Variants in AOPEP observed in about 807,000 individuals in gnomAD.
AOPEP encodes aminopeptidase O (putative).
A neutral mutation model predicts 98.1 loss-of-function variants in AOPEP; 77 were observed. The observed-to-expected ratio is 0.78, with a 90% CI of 0.65 to 0.95. The LOEUF is 0.95. Ranked by LOEUF, AOPEP falls within the 40% of genes least tolerant of loss-of-function variation. The pLI is 0.00. For synonymous variants in AOPEP, 346 were observed against 365.3 expected (o/e 0.95, Z 0.60); for missense variants, 1,024 against 1,024.7 (o/e 1.00, Z 0.01).
chr9:95,031,321 G>A (rs1343566450), intron 13 of AOPEP, among the ~76,000 whole-genome samples: 1 of 152,060 alleles, frequency 6.6e-6, no homozygotes, highest in Non-Finnish European at 1.5e-5. Flanking sequence ...TACTCTTTTA[G>A]TTTAAAAAGA....
intron 5 of AOPEP, among the ~76,000 whole-genome samples, chr9:94,848,582 A>G (rs2135094103): frequency 6.6e-6 from 1 of 151,746 alleles, no homozygotes; most frequent in South Asian, 2.1e-4. Flanking sequence ...AGATCACGCC[A>G]CTGCACCCCA....
At chr9:95,150,044 G>C in the AOPEP span, 7 of 1,613,956 alleles carry the variant, frequency 4.3e-6, no homozygotes, top group African/African-American at 9.3e-5. Context: ...GTAATAAGTG[G>C]GACACAAACT....
At chr9:94,902,471 C>T (rs1355386954) in intron 5 of AOPEP, among the ~76,000 whole-genome samples, 4 of 152,084 alleles carry the variant, frequency 2.6e-5, no homozygotes, top group Non-Finnish European at 5.9e-5. Flanking sequence ...TGTATTGTAT[C>T]CAAAAGAAAT....
intron 5 of AOPEP, among the ~76,000 whole-genome samples, chr9:94,889,947 T>G (rs530396710): frequency 7.2e-5 from 11 of 152,300 alleles, no homozygotes; most frequent in African/African-American, 2.6e-4. Context: ...AATATTTTTA[T>G]GTGCTTAAGT....
intron 5 of AOPEP, among the ~76,000 whole-genome samples, chr9:94,852,735 T>C (rs2043707026): frequency 6.6e-6 from 1 of 152,232 alleles, no homozygotes; most frequent in African/African-American, 2.4e-5. Flanking sequence ...ATTTTATTAA[T>C]TAAAAATCGT....
intron 1 of AOPEP, among the ~76,000 whole-genome samples, chr9:94,729,036 GT>G (rs2131616434): frequency 6.6e-6 from 1 of 151,908 alleles, no homozygotes; most frequent in African/African-American, 2.4e-5. Flanking sequence ...AGGGTTGCCT[GT>G]CCAGGAAAGT....
intron 5 of AOPEP, among the ~76,000 whole-genome samples, chr9:94,850,040 A>G (rs111714761): frequency 2.0e-5 from 3 of 151,886 alleles, no homozygotes; most frequent in African/African-American, 7.2e-5. Context: ...ATCTCAAAAA[A>G]AAAAAAAAAA....
intron 13 of AOPEP, among the ~76,000 whole-genome samples, chr9:95,021,247 G>A (rs1349008770): frequency 6.6e-6 from 1 of 152,116 alleles, no homozygotes; most frequent in Non-Finnish European, 1.5e-5. Context: ...AGGGCAAAAT[G>A]GGTAGGAATA....
At chr9:95,006,820 G>A (rs769126993) in intron 13 of AOPEP, among the ~76,000 whole-genome samples, 2 of 151,926 alleles carry the variant, frequency 1.3e-5, no homozygotes, top group African/African-American at 2.4e-5. Flanking sequence ...GTGAGGTGAT[G>A]AATGAGATCA....
chr9:95,116,555 C>T, the AOPEP span, among the ~76,000 whole-genome samples: 1 of 152,228 alleles, frequency 6.6e-6, no homozygotes, highest in Non-Finnish European at 1.5e-5. Context: ...TGGCTCGTTC[C>T]CTTCTGTCTC....
downstream of AOPEP, among the ~76,000 whole-genome samples, chr9:95,090,477 G>A (rs576212101): frequency 4.9e-3 from 750 of 152,268 alleles, 9 homozygotes; most frequent in Non-Finnish European, 5.6e-3. Flanking sequence ...GGCTGGGCCC[G>A]GGCCCAGGGC....
chr9:95,125,144 G>T, the AOPEP span: 2 of 1,614,178 alleles, frequency 1.2e-6, no homozygotes, highest in Non-Finnish European at 1.7e-6. Flanking sequence ...CTGAATAGTG[G>T]CTATGATTTC....
chr9:95,123,400 G>A, the AOPEP span: 1 of 444,352 alleles, frequency 2.3e-6, no homozygotes. Flanking sequence ...AGCACTTTGG[G>A]AGGCCAAGGT....
chr9:95,146,324 C>T, the AOPEP span, among the ~76,000 whole-genome samples: 4 of 150,730 alleles, frequency 2.7e-5, no homozygotes, highest in African/African-American at 4.9e-5. Context: ...CCGTCTCTAC[C>T]GAAAATACAA....
chr9:95,038,844 G>A (rs1363438922), intron 13 of AOPEP, among the ~76,000 whole-genome samples: 3 of 152,184 alleles, frequency 2.0e-5, no homozygotes, highest in Admixed American at 6.5e-5. Flanking sequence ...CTCCGTTGCC[G>A]CCAGTAGGGA....
intron 15 of AOPEP, chr9:95,080,996 C>T (rs1376485380): frequency 4.0e-5 from 22 of 553,990 alleles, no homozygotes; most frequent in South Asian, 3.8e-4. Flanking sequence ...CCTTCAATGC[C>T]GCCTTGTGGC....
At chr9:94,784,965 C>T (rs934129034) in intron 3 of AOPEP, among the ~76,000 whole-genome samples, 2 of 151,280 alleles carry the variant, frequency 1.3e-5, no homozygotes, top group African/African-American at 2.4e-5. Context: ...CGGAGTTTAG[C>T]TCTTGTTGCC....
chr9:95,114,426 G>A, the AOPEP span: 3 of 661,520 alleles, frequency 4.5e-6, no homozygotes, highest in Admixed American at 2.1e-5. Flanking sequence ...GCATACATGC[G>A]CATGCCTATT....
chr9:95,110,835 A>ATT, the AOPEP span: 3 of 1,165,728 alleles, frequency 2.6e-6, no homozygotes, highest in African/African-American at 4.6e-5. Context: ...TCCTGTAATT[A>ATT]TTATATTCCA....
Sources: allele counts gnomAD v4.1 joint callset (sites outside exome capture counted in the v4.1 genomes callset), GRCh38; gene constraint gnomAD v4.1.1; transcripts MANE v1.5; gene names NCBI Gene and HGNC (gene_info 2026-07-23, HGNC 2026-07-21).